SESTD1: variants seen among roughly 807,000 people sequenced by gnomAD.
The protein encoded by SESTD1 is SEC14 and spectrin domain containing 1, also known as SEC14 domain and spectrin repeat-containing protein 1.
A neutral mutation model predicts 101.7 loss-of-function variants in SESTD1; 43 were observed. That is an observed-to-expected ratio of 0.42 (90% CI 0.33 to 0.55). SESTD1 has a LOEUF of 0.55. Among genes scored for constraint, SESTD1 ranks in the 20% least tolerant of loss-of-function variants. The pLI is 0.07. For missense variants in SESTD1, 647 were observed against 815.1 expected (o/e 0.79, Z 2.51); for synonymous variants, 283 against 286.8 (o/e 0.99, Z 0.13).
At chr2:179,185,494 T>C (rs1245798580) in intron 2 of SESTD1, among the ~76,000 whole-genome samples, 3 of 140,892 alleles carry the variant, frequency 2.1e-5, no homozygotes, top group African/African-American at 7.8e-5. Flanking sequence ...ATATACAATA[T>C]ATATTATATC....
intron 5 of SESTD1, among the ~76,000 whole-genome samples, chr2:179,165,031 C>T (rs1693628130): frequency 6.6e-6 from 1 of 152,054 alleles, no homozygotes; most frequent in South Asian, 2.1e-4. Flanking sequence ...ATTAAACGAG[C>T]ATCTATGTTG....
intron 1 of SESTD1, among the ~76,000 whole-genome samples, chr2:179,193,089 C>A (rs1030426266): frequency 6.6e-6 from 1 of 151,994 alleles, no homozygotes; most frequent in Non-Finnish European, 1.5e-5. Context: ...CCAGAAACAG[C>A]CCTGCTCTAG....
chr2:179,196,122 G>A (rs2046388421), intron 1 of SESTD1, among the ~76,000 whole-genome samples: 1 of 152,198 alleles, frequency 6.6e-6, no homozygotes, highest in African/African-American at 2.4e-5. Flanking sequence ...AACGAAGCAG[G>A]GCGAGGCATT....
At chr2:179,191,365 G>C (rs11899191) in intron 2 of SESTD1, among the ~76,000 whole-genome samples, 1 of 152,092 alleles carries the variant, frequency 6.6e-6, no homozygotes, top group South Asian at 2.1e-4. Flanking sequence ...ATTTGTAAGA[G>C]GGAGCCAAAC....
intron 2 of SESTD1, among the ~76,000 whole-genome samples, chr2:179,185,622 C>A (rs2046206472): frequency 8.0e-6 from 1 of 124,414 alleles, no homozygotes. Context: ...CACTATTATA[C>A]AATATATAAT....
In SESTD1 at chr2:179,230,099, A is replaced by ACT. The variant is rs1298746809; in HGVS notation, c.-26+34398_-26+34399dup. On this transcript the variant is annotated intron_variant, in intron 1 of 17. Coordinates refer to ENST00000428443, the MANE Select transcript of SESTD1 (RefSeq NM_178123.5). ...TAGAAGATTTTAATAAATATTCCAA[A>ACT]CTGGATTGTATCTCTTTTTTTTTTT... Among the ~76,000 whole-genome samples, 3 of 138,280 alleles carry ACT rather than the reference A, an allele frequency of 2.2e-5. No individual in the cohort carries two copies. The East Asian group carries it at 7.0e-4, about 32-fold the overall frequency. The allele number at this position is 138,280 out of a possible 152,430, so 90.7% of individuals were successfully genotyped here.
chr2:179,210,690 A>C (rs1323272750), intron 1 of SESTD1, among the ~76,000 whole-genome samples: 1 of 135,186 alleles, frequency 7.4e-6, no homozygotes, highest in Non-Finnish European at 1.6e-5. Context: ...ATCTTAAGGT[A>C]ATAAAAGCCT....
In SESTD1 at chr2:179,204,011, T is replaced by A. The variant is rs540592980; in HGVS notation, c.-25-12145A>T. Among the ~76,000 whole-genome samples the A allele has an allele frequency of 4.9e-4, 66 of 134,862 alleles. 19 individuals are homozygous for A. Among genetic ancestry groups the A allele is most frequent in the African/African-American group, 1.9e-3 (66 of 34,154 alleles). The allele number at this position is 134,862 out of a possible 152,430, so 88.5% of individuals were successfully genotyped here. On this transcript the variant is annotated intron_variant, in intron 1 of 17. Transcript: ENST00000428443. ...CACTTACTGCTAGAATTGAACTGGGTTGTAGGACACCCAGGTGGTATCTGG... is the reference window on the plus strand; with the variant it reads ...CACTTACTGCTAGAATTGAACTGGGATGTAGGACACCCAGGTGGTATCTGG...
At chr2:179,119,249 T>C (rs190532869) in intron 13 of SESTD1, among the ~76,000 whole-genome samples, 258 of 152,296 alleles carry the variant, frequency 1.7e-3, no homozygotes, top group South Asian at 0.016. Flanking sequence ...ATCTTGACCA[T>C]AAATGTTTGA....
chr2:179,250,898 A>G (rs2047307212), intron 1 of SESTD1, among the ~76,000 whole-genome samples: 1 of 152,194 alleles, frequency 6.6e-6, no homozygotes, highest in South Asian at 2.1e-4. Context: ...TTCAACTACC[A>G]TACATCTTGG....
chr2:179,168,486 A>G (rs1018124658), intron 5 of SESTD1, among the ~76,000 whole-genome samples: 4 of 152,122 alleles, frequency 2.6e-5, no homozygotes, highest in Non-Finnish European at 4.4e-5. Context: ...TAACCCCTGC[A>G]TTGTTCACAG....
intron 4 of SESTD1, among the ~76,000 whole-genome samples, chr2:179,173,434 CTA>C (rs774736189): frequency 6.6e-6 from 1 of 152,148 alleles, no homozygotes; most frequent in Non-Finnish European, 1.5e-5. Context: ...CTTGTCACCC[CTA>C]TATTTCCAGT....
intron 12 of SESTD1, among the ~76,000 whole-genome samples, chr2:179,122,772 T>G (rs1350907197): frequency 6.6e-6 from 1 of 152,118 alleles, no homozygotes; most frequent in African/African-American, 2.4e-5. Context: ...GGCAGGTGCC[T>G]GTAATCCCAG....
intron 1 of SESTD1, among the ~76,000 whole-genome samples, chr2:179,200,714 G>T (rs2046495275): frequency 7.2e-6 from 1 of 139,166 alleles, no homozygotes; most frequent in Non-Finnish European, 1.6e-5. Context: ...AAACTGGCTA[G>T]CCATATGTAG....
intron 5 of SESTD1, among the ~76,000 whole-genome samples, chr2:179,162,768 A>C (rs2045760902): frequency 6.6e-6 from 1 of 151,436 alleles, no homozygotes; most frequent in African/African-American, 2.4e-5. Context: ...CAGGTGGATC[A>C]CAAGGTAGGA....
intron 1 of SESTD1, among the ~76,000 whole-genome samples, chr2:179,257,173 G>A (rs1367735894): frequency 6.6e-6 from 1 of 151,636 alleles, no homozygotes; most frequent in Non-Finnish European, 1.5e-5. Context: ...GTCATAGAAT[G>A]AGGGAGTCTA....
chr2:179,161,075 C>CTTTTTT (rs56092247), intron 5 of SESTD1, among the ~76,000 whole-genome samples: 1 of 134,226 alleles, frequency 7.5e-6, no homozygotes. Flanking sequence ...CCATACCTAG[C>CTTTTTT]TTTTTTTTTT....
At chr2:179,224,848 C>A (rs1396171237) in intron 1 of SESTD1, among the ~76,000 whole-genome samples, 2 of 152,166 alleles carry the variant, frequency 1.3e-5, no homozygotes, top group East Asian at 3.9e-4. Flanking sequence ...TCCCATACAC[C>A]TTGCCCTGTG....
intron 5 of SESTD1, among the ~76,000 whole-genome samples, chr2:179,154,851 T>G (rs901027756): frequency 2.0e-5 from 3 of 152,136 alleles, no homozygotes; most frequent in African/African-American, 7.2e-5. Flanking sequence ...AAGTATGAAA[T>G]ATTTTAAAAC....
Sources: gnomAD v4.1 joint callset for allele counts (sites outside exome capture counted in the v4.1 genomes callset) on GRCh38, gnomAD v4.1.1 for gene constraint, MANE v1.5 for transcripts, NCBI Gene and HGNC (gene_info 2026-07-23, HGNC 2026-07-21) for gene names.